CTTNBP2: variants seen among roughly 807,000 people sequenced by gnomAD.
CTTNBP2 encodes the protein cortactin binding protein 2, also known as cortactin-binding protein 2.
In CTTNBP2, 108 loss-of-function variants were observed where a neutral mutation model predicts 156.9. The observed-to-expected ratio is 0.69, with a 90% confidence interval of 0.59 to 0.81. The LOEUF (loss-of-function observed/expected upper bound fraction) is 0.81. Among genes scored for constraint, CTTNBP2 ranks in the 30% least tolerant of loss-of-function variants. The probability of loss-of-function intolerance (pLI) is 0.00; values close to 1 mark genes in which losing one functional copy is unlikely to be tolerated. For synonymous variants in CTTNBP2, 767 were observed against 751.8 expected, an observed-to-expected ratio of 1.02 and a Z score of -0.33; for missense variants, 1,924 against 2,035.4, an observed-to-expected ratio of 0.95 and a Z score of 1.05.
chr7:117,828,263 A>G (rs531346359), intron 2 of CTTNBP2, among the ~76,000 whole-genome samples: 3 of 152,282 alleles, frequency 2.0e-5, no homozygotes, highest in African/African-American at 7.2e-5. Flanking sequence ...CTGACAGAAA[A>G]GGATCATGGG....
intron 6 of CTTNBP2, 36 bp from the exon 7 acceptor site, chr7:117,780,627 G>T: frequency 1.4e-6 from 2 of 1,437,730 alleles, no homozygotes; most frequent in Admixed American, 2.4e-5. Flanking sequence ...CATAAAACCT[G>T]GGTTTGACCT....
intron 2 of CTTNBP2, among the ~76,000 whole-genome samples, chr7:117,831,895 G>T (rs114480307): frequency 4.9e-4 from 75 of 152,094 alleles, no homozygotes; most frequent in African/African-American, 1.8e-3. Context: ...CCTCTCTAAG[G>T]TTATTAATTC....
At position 117,811,680 on chromosome 7, in the gene CTTNBP2, G is replaced by A. The variant is rs189182905; in HGVS notation, c.190-691C>T. ...TCAAAAATAAAATTATCTCTATATCGATAGAACTTACATTTAAAATAATAT... is the reference window on the plus strand; with the variant it reads ...TCAAAAATAAAATTATCTCTATATCAATAGAACTTACATTTAAAATAATAT... On this transcript the variant is annotated intron_variant, in intron 2 of 22. Transcript: ENST00000160373. Among the ~76,000 whole-genome samples, 850 of 151,862 alleles carry A rather than the reference G, an allele frequency of 5.6e-3. 8 individuals are homozygous for A. The highest frequency in any genetic ancestry group is 0.02 in the African/African-American group (816 of 41,432).
chr7:117,861,084 A>AT, intron 2 of CTTNBP2, 125 bp downstream of exon 2: 1 of 645,162 alleles, frequency 1.5e-6, no homozygotes. Context: ...TGAAGAGCAC[A>AT]TTTTGACCTG....
At chr7:117,784,573 G>T in intron 4 of CTTNBP2, 119 bp from the exon 5 acceptor site, 1 of 647,034 alleles carries the variant, frequency 1.5e-6, no homozygotes, top group Non-Finnish European at 2.5e-6. Flanking sequence ...AGAGGATTAT[G>T]TGGTTTCTAA....
intron 2 of CTTNBP2, among the ~76,000 whole-genome samples, chr7:117,849,637 G>T (rs1324027512): frequency 6.6e-6 from 1 of 152,082 alleles, no homozygotes; most frequent in African/African-American, 2.4e-5. Flanking sequence ...TCTGCCCAGA[G>T]CACACACAGA....
intron 2 of CTTNBP2, among the ~76,000 whole-genome samples, chr7:117,822,626 C>T (rs1801034453): frequency 6.6e-6 from 1 of 152,188 alleles, no homozygotes; most frequent in African/African-American, 2.4e-5. Flanking sequence ...GTCTTGGACA[C>T]ATGATATATA....
At chr7:117,783,181 G>A (rs561709833) in intron 5 of CTTNBP2, among the ~76,000 whole-genome samples, 80 of 123,242 alleles carry the variant, frequency 6.5e-4, no homozygotes, top group African/African-American at 2.6e-3. Context: ...ACTAAGATGC[G>A]TGTGTGTGTG....
intron 16 of CTTNBP2, among the ~76,000 whole-genome samples, chr7:117,732,483 T>C (rs1303733736): frequency 6.6e-6 from 1 of 151,556 alleles, no homozygotes. Flanking sequence ...ACCCCGTCTC[T>C]ACTGAAAATA....
chr7:117,805,037 T>A (rs760229494), intron 3 of CTTNBP2, among the ~76,000 whole-genome samples: 1 of 152,362 alleles, frequency 6.6e-6, no homozygotes, highest in East Asian at 1.9e-4. Context: ...ACATTTTGAA[T>A]GTCTTTTGAA....
At chr7:117,758,480 CTCACT>C (rs1797011195) in intron 10 of CTTNBP2, among the ~76,000 whole-genome samples, 2 of 151,924 alleles carry the variant, frequency 1.3e-5, no homozygotes, top group African/African-American at 2.4e-5. Context: ...GGGCCCTCTG[CTCACT>C]CTTGTTCTGA....
chr7:117,711,548 G>T lies in CTTNBP2; in HGVS notation c.4981C>A (p.Pro1661Thr), dbSNP rs577718648. 2.3e-5 allele frequency: 37 copies of T among 1,612,524 alleles called. No individual in the cohort carries two copies. The East Asian group carries it at 7.1e-4, about 31-fold the overall frequency. The part of the protein sequence containing the change: ...NLHKNEHLEK[P>T]NK ...TATTGTAGGCAGGCCTATTTGTTAG[G>T]TTTTTCTAGGTGTTCATTTTTGTGT... The change falls in exon 23 of 23, where the codon CCT (proline) becomes ACT (threonine). Residue 1661 changes from proline to threonine, a missense_variant. Physicochemically the swap from Pro to Thr is conservative, Grantham distance 38 (BLOSUM62 -1). Coordinates refer to ENST00000160373, the MANE Select transcript of CTTNBP2 (RefSeq NM_033427.3).
At position 117,791,200 on chromosome 7, in the gene CTTNBP2, A is replaced by G. The variant is rs938623705; in HGVS notation, c.1996T>C (p.Ser666Pro). ...GAGGCACTAACGGGGTTTATGGAAG[A>G]GCAAAAGGCAATGGTGGTAGGAATG... ...LVIPTTIAFC[S>P]SINPVSASSC... is the part of the protein sequence containing the mutation. Residue 666 changes from serine (S) to proline (P), a missense_variant, in exon 4 of 23, where the codon TCT becomes CCT. Coordinates refer to ENST00000160373, the MANE Select transcript of CTTNBP2 (RefSeq NM_033427.3). 2 of 1,614,070 alleles carry G rather than the reference A, an allele frequency of 1.2e-6. No individual in the cohort carries two copies. Among genetic ancestry groups the G allele is most frequent in the Admixed American group, 1.7e-5 (1 of 60,010 alleles).
intron 2 of CTTNBP2, among the ~76,000 whole-genome samples, chr7:117,839,369 A>G (rs553012598): frequency 6.6e-6 from 1 of 152,360 alleles, no homozygotes; most frequent in South Asian, 2.1e-4. Context: ...CACACAGCCA[A>G]TAATGGCAGT....
chr7:117,867,460 C>A (rs767720411), intron 1 of CTTNBP2, among the ~76,000 whole-genome samples: 2 of 152,110 alleles, frequency 1.3e-5, no homozygotes, highest in African/African-American at 4.8e-5. Context: ...TCTATTAACT[C>A]TATTTTCTCA....
At chr7:117,855,890 G>A (rs1803278034) in intron 2 of CTTNBP2, among the ~76,000 whole-genome samples, 1 of 152,106 alleles carries the variant, frequency 6.6e-6, no homozygotes, top group African/African-American at 2.4e-5. Context: ...TACAATTTTG[G>A]CATAATACAT....
intron 19 of CTTNBP2, among the ~76,000 whole-genome samples, chr7:117,722,564 ATC>A (rs1209925037): frequency 6.6e-6 from 1 of 152,182 alleles, no homozygotes; most frequent in African/African-American, 2.4e-5. Flanking sequence ...AAGTCTATTC[ATC>A]TTTTTTTACA....
At chr7:117,761,312 A>AC (rs1797205203) in intron 9 of CTTNBP2, among the ~76,000 whole-genome samples, 1 of 152,230 alleles carries the variant, frequency 6.6e-6, no homozygotes, top group Non-Finnish European at 1.5e-5. Flanking sequence ...TTATGTGGTA[A>AC]ATACCAGTAA....
chr7:117,759,457 G>A (rs954845997), intron 10 of CTTNBP2, among the ~76,000 whole-genome samples: 5 of 152,196 alleles, frequency 3.3e-5, no homozygotes, highest in African/African-American at 7.2e-5. Context: ...ATAAAATCAA[G>A]TTGTCATGAA....
Sources: allele counts gnomAD v4.1 joint callset (sites outside exome capture counted in the v4.1 genomes callset), GRCh38; gene constraint gnomAD v4.1.1; transcripts MANE v1.5; gene names NCBI Gene and HGNC (gene_info 2026-07-23, HGNC 2026-07-21).